DNAH2: variants seen among roughly 807,000 people sequenced by gnomAD.
DNAH2 encodes the protein dynein axonemal heavy chain 2.
Under a neutral mutation model 523.5 loss-of-function variants are expected in DNAH2, and 323 were observed. The observed-to-expected ratio is 0.62, with a 90% CI of 0.56 to 0.68. The LOEUF (loss-of-function observed/expected upper bound fraction) is 0.68. Among genes scored for constraint, DNAH2 ranks in the 30% least tolerant of loss-of-function variants. The pLI is 0.00. For missense variants in DNAH2, 4,907 were observed against 5,701.5 expected, an observed-to-expected ratio of 0.86 and a Z score of 4.49; for synonymous variants, 2,093 against 2,177.4, an observed-to-expected ratio of 0.96 and a Z score of 1.08.
chr17:7,831,271 A>G lies in DNAH2; in HGVS notation c.12416A>G (p.Gln4139Arg), dbSNP rs1387379550. 1 of 1,614,126 alleles carries G rather than the reference A, an allele frequency of 6.2e-7. No homozygotes were observed. Among genetic ancestry groups the G allele is most frequent in the Non-Finnish European group, 8.5e-7 (1 of 1,180,022 alleles). ...LFDTLLSLQP[Q>R]ITPTRAGGQT... Reference sequence around the variant, plus strand: ...GATACTTTGCTTTCCTTGCAACCTCAGATTACACCCACCAGGGCTGGAGGC... The same window carrying G: ...GATACTTTGCTTTCCTTGCAACCTCGGATTACACCCACCAGGGCTGGAGGC... The change falls in exon 80 of 86, where the codon CAG becomes CGG. Residue 4139 changes from glutamine (Q) to arginine (R), a missense_variant. By Grantham distance (43) the Gln-to-Arg change is conservative. Coordinates refer to ENST00000572933, the MANE Select transcript of DNAH2 (RefSeq NM_020877.5). The surrounding 1 kb of genome is among the most constrained non-coding windows in gnomAD (Gnocchi z 4.2).
At chr17:7,787,441 T>C (rs1435460856) in intron 42 of DNAH2, 6 of 261,622 alleles carry the variant, frequency 2.3e-5, no homozygotes, top group African/African-American at 6.7e-5. Flanking sequence ...TAGTTTCTTT[T>C]AAAGCAAACT....
chr17:7,819,245 T>C lies in DNAH2; in HGVS notation c.10852T>C (p.Phe3618Leu), dbSNP rs752392238. ...RPCAQRASIL[F>L]FVLNDMGCID... ...ATGCGCCCAGCGGGCATCAATCCTG[T>C]TCTTCGTGCTCAATGATATGGGCTG... The change falls in exon 72 of 86, where the codon TTC (phenylalanine) becomes CTC (leucine). Residue 3618 changes from phenylalanine to leucine, a missense_variant. This residue lies in a region of DNAH2 where 1,851 missense variants were observed against 2,139.4 expected (regional missense o/e 0.87). Coordinates refer to ENST00000572933, the MANE Select transcript of DNAH2 (RefSeq NM_020877.5). 2 of 1,613,956 alleles carry C rather than the reference T, an allele frequency of 1.2e-6. No individual in the cohort carries two copies. Among genetic ancestry groups the C allele is most frequent in the African/African-American group, 1.3e-5 (1 of 74,942 alleles).
In DNAH2 at chr17:7,754,028, GGATGCTTGGT is replaced by G. The variant is rs1247075088; in HGVS notation, c.1905-3060_1905-3051del. Among the ~76,000 whole-genome samples the G allele has an allele frequency of 2.6e-5, 4 of 152,002 alleles. No homozygotes were observed. The East Asian group carries it at 7.7e-4, about 29-fold the overall frequency. The stretch of plus-strand genomic sequence containing the variant: ...AGCATCCATGGGGTGGAGTGCTAGG[GGATGCTTGGT>G]GAGTGTGATGAGGGCATTTGATGGG... On this transcript the variant is annotated intron_variant, in intron 12 of 85. Coordinates refer to ENST00000572933, the MANE Select transcript of DNAH2 (RefSeq NM_020877.5). This position sits in a 1 kb window ranked among gnomAD's most constrained non-coding sequence, Gnocchi z 4.6.
chr17:7,736,569 T>C (rs1352928854), intron 7 of DNAH2, among the ~76,000 whole-genome samples: 2 of 152,202 alleles, frequency 1.3e-5, no homozygotes, highest in East Asian at 1.9e-4. Context: ...AAAAGAAAAG[T>C]TGACATGTGC....
At chr17:7,741,297 C>CTCTTTCTTT (rs1491588292) in intron 11 of DNAH2, among the ~76,000 whole-genome samples, 5 of 61,386 alleles carry the variant, frequency 8.1e-5, no homozygotes, top group African/African-American at 3.5e-4. Context: ...TTTCTTTCTT[C>CTCTTTCTTT]CTTCCTTCCC....
At chr17:7,802,604 T>C (rs1319109586) in intron 58 of DNAH2, among the ~76,000 whole-genome samples, 1 of 152,228 alleles carries the variant, frequency 6.6e-6, no homozygotes, top group Non-Finnish European at 1.5e-5. Flanking sequence ...TACTGTATTG[T>C]TTAGGGAATA....
At chr17:7,793,485 TTCTTTC>T (rs1433570102) in intron 48 of DNAH2, among the ~76,000 whole-genome samples, 1 of 135,790 alleles carries the variant, frequency 7.4e-6, no homozygotes, top group Non-Finnish European at 1.7e-5. Flanking sequence ...CTTTCTTTCT[TTCTTTC>T]TTTCTTTCTT....
chr17:7,793,460 T>TTTCC (rs1226605003), intron 48 of DNAH2, among the ~76,000 whole-genome samples: 2 of 112,554 alleles, frequency 1.8e-5, no homozygotes, highest in East Asian at 4.2e-4. Context: ...TCTTTCTTTC[T>TTTCC]TTCTTTCTTT....
In DNAH2 at chr17:7,760,994, C is replaced by A. The variant is rs1257933327; in HGVS notation, c.2978+62C>A. 1 of 1,588,598 alleles carries A rather than the reference C, an allele frequency of 6.3e-7. No homozygotes were observed. The highest frequency in any genetic ancestry group is 1.2e-5 in the South Asian group (1 of 86,546). On this transcript the variant is annotated intron_variant, in intron 18 of 85. Transcript: ENST00000572933. This position sits in a 1 kb window ranked among gnomAD's most constrained non-coding sequence, Gnocchi z 4.0. ...GAGGCACAGCACTGCAGGAGGAGCC[C>A]AGGCCTAGAGTCTTGGGAAGTGGGT... is the stretch of plus-strand genomic sequence containing the variant.
chr17:7,806,954 G>A (rs1288317246), intron 61 of DNAH2, among the ~76,000 whole-genome samples, 196 bp from the exon 62 acceptor site: 6 of 152,150 alleles, frequency 3.9e-5, no homozygotes, highest in South Asian at 4.1e-4. Context: ...GAAGATTGTC[G>A]AGGACCTTGG....
At chr17:7,751,917 T>G (rs1479031453) in intron 12 of DNAH2, among the ~76,000 whole-genome samples, 2 of 75,492 alleles carry the variant, frequency 2.6e-5, no homozygotes, top group Non-Finnish European at 4.6e-5. Flanking sequence ...AGAATAGTTG[T>G]GGGGTGTGTG....
chr17:7,794,246 C>T lies in DNAH2; in HGVS notation c.7570-8C>T, dbSNP rs746389203. ...TGCCTGTCTGCCCTCCTTGTCGCTG[C>T]TCTCTAGGAAATGTTCCTGATGGCT... On this transcript the variant is annotated splice_region_variant and splice_polypyrimidine_tract_variant and intron_variant, in intron 48 of 85. Transcript: ENST00000572933. 2 of 1,598,560 alleles carry T rather than the reference C, an allele frequency of 1.3e-6. No homozygotes were observed. Among genetic ancestry groups the T allele is most frequent in the Non-Finnish European group, 1.7e-6 (2 of 1,172,590 alleles).
chr17:7,732,350 G>A (rs1363686467), intron 4 of DNAH2, among the ~76,000 whole-genome samples: 2 of 148,748 alleles, frequency 1.3e-5, no homozygotes, highest in African/African-American at 2.5e-5. Flanking sequence ...CAGAAGAATC[G>A]CTTGAACCCG....
At chr17:7,791,256 A>G (rs1425905345) in intron 44 of DNAH2, among the ~76,000 whole-genome samples, 3 of 151,414 alleles carry the variant, frequency 2.0e-5, no homozygotes, top group Non-Finnish European at 4.4e-5. Flanking sequence ...TTTTTAGTAG[A>G]GATGGGGTTT....
At chr17:7,794,129 G>A (rs1040177735) in intron 48 of DNAH2, 125 bp from the exon 49 acceptor site, 2 of 577,284 alleles carry the variant, frequency 3.5e-6, no homozygotes, top group African/African-American at 2.0e-5. Context: ...CTGCATCCCG[G>A]TTCCTCTTCC....
At position 7,830,396 on chromosome 17, in the gene DNAH2, T is replaced by G; in HGVS notation, c.11950T>G (p.Ser3984Ala). 3 of 1,614,260 alleles carry G rather than the reference T, an allele frequency of 1.9e-6. No homozygotes were observed. The highest frequency in any genetic ancestry group is 2.5e-6 in the Non-Finnish European group (3 of 1,180,042). Residue 3984 changes from serine (S) to alanine (A), a missense_variant, in exon 78 of 86, where the codon TCA (serine) becomes GCA (alanine). Physicochemically the swap from Ser to Ala is moderately conservative, Grantham distance 99 (BLOSUM62 1). This residue lies in a region of DNAH2 where 1,851 missense variants were observed against 2,139.4 expected (regional missense o/e 0.87). Transcript: ENST00000572933. ...KPAKYKKLLF[S>A]LCFFHSVLLE... ...TGCCAAATATAAGAAGCTGCTGTTT[T>G]CACTCTGTTTCTTCCACTCTGTGTT...
chr17:7,831,095 A>T lies in DNAH2; in HGVS notation c.12240A>T (p.Ala4080=). The T allele has an allele frequency of 6.2e-7, 1 of 1,613,418 alleles. No homozygotes were observed. The highest frequency in any genetic ancestry group is 8.5e-7 in the Non-Finnish European group (1 of 1,179,974). ...SLSTPFHRLS[A]LETYFIPKDG... The stretch of plus-strand genomic sequence containing the variant: ...TGCTATGACTCCCTAGGTTGTCAGC[A>T]CTGGAGACTTATTTCATCCCCAAGG... The change falls in exon 80 of 86, where the codon GCA becomes GCT. Residue 4080 remains alanine, a synonymous_variant. Transcript: ENST00000572933. The surrounding 1 kb of genome is among the most constrained non-coding windows in gnomAD (Gnocchi z 4.2).
At chr17:7,824,360 AC>A in intron 76 of DNAH2, 56 bp downstream of exon 76, 1 of 1,478,616 alleles carries the variant, frequency 6.8e-7, no homozygotes, top group Non-Finnish European at 9.0e-7. Context: ...TGTCCCTAGA[AC>A]CTCCAACCTC....
intron 2 of DNAH2, among the ~76,000 whole-genome samples, chr17:7,721,556 A>G (rs62062594): frequency 0.32 from 48,035 of 151,660 alleles, 7,850 homozygotes; most frequent in East Asian, 0.47. Context: ...CTCACCTACT[A>G]CTAAGCTCCG....
Sources: allele counts gnomAD v4.1 joint callset (sites outside exome capture counted in the v4.1 genomes callset), GRCh38; gene constraint gnomAD v4.1.1; regional missense constraint gnomAD v4.1.1; non-coding constraint Gnocchi (gnomAD v3.1); transcripts MANE v1.5; gene names NCBI Gene and HGNC (gene_info 2026-07-23, HGNC 2026-07-21).